Variants in BBS9 observed in about 807,000 individuals in gnomAD.
The protein encoded by BBS9 is protein PTHB1.
Under a neutral mutation model 117.7 loss-of-function variants are expected in BBS9, and 89 were observed. That is an observed-to-expected ratio of 0.76 (90% CI 0.64 to 0.90). The LOEUF is 0.90. Among genes scored for constraint, BBS9 ranks in the 40% least tolerant of loss-of-function variants. The pLI is 0.00. For missense variants in BBS9, 982 were observed against 1,042.2 expected (o/e 0.94, Z 0.80); for synonymous variants, 379 against 370.9 (o/e 1.02, Z -0.25).
chr7:33,432,154 G>A (rs1250354419), intron 19 of BBS9, among the ~76,000 whole-genome samples: 10 of 149,178 alleles, frequency 6.7e-5, no homozygotes, highest in Non-Finnish European at 1.5e-5. Flanking sequence ...GTGCGATCTC[G>A]TCTCACTGCA....
At chr7:33,276,563 G>A (rs1300696716) in intron 9 of BBS9, among the ~76,000 whole-genome samples, 2 of 152,100 alleles carry the variant, frequency 1.3e-5, no homozygotes, top group East Asian at 3.9e-4. Flanking sequence ...TTTACAGGGG[G>A]GAAGTTGGAA....
At chr7:33,339,572 C>T (rs903592848) in intron 10 of BBS9, among the ~76,000 whole-genome samples, 19 of 152,240 alleles carry the variant, frequency 1.2e-4, no homozygotes, top group Admixed American at 1.2e-3. Context: ...TTCAGTCAGC[C>T]ATCCTCAGAG....
At chr7:33,452,796 G>A (rs945960814) in intron 19 of BBS9, among the ~76,000 whole-genome samples, 5 of 152,086 alleles carry the variant, frequency 3.3e-5, no homozygotes, top group Admixed American at 3.3e-4. Flanking sequence ...AGAAGAAAGA[G>A]AACAAAAACT....
At chr7:33,490,772 C>T (rs1247091578) in intron 19 of BBS9, among the ~76,000 whole-genome samples, 1 of 152,164 alleles carries the variant, frequency 6.6e-6, no homozygotes, top group South Asian at 2.1e-4. Context: ...TTATTACTTT[C>T]CCAGAATGCA....
At chr7:33,231,768 A>G (rs945881464) in intron 5 of BBS9, among the ~76,000 whole-genome samples, 2 of 152,098 alleles carry the variant, frequency 1.3e-5, no homozygotes, top group Non-Finnish European at 2.9e-5. Context: ...TCAGGGTTTG[A>G]TTTATAATTG....
At chr7:33,130,615 T>A (rs1474280493) in intron 1 of BBS9, among the ~76,000 whole-genome samples, 1 of 152,336 alleles carries the variant, frequency 6.6e-6, no homozygotes, top group African/African-American at 2.4e-5. Context: ...ACTTGAAAGA[T>A]GCTGCAGGAT....
chr7:33,619,306 T>C (rs1473863456), intron 21 of BBS9, among the ~76,000 whole-genome samples: 1 of 152,162 alleles, frequency 6.6e-6, no homozygotes. Context: ...CAAGAAGGTA[T>C]AACGATTGTA....
At chr7:33,564,661 G>A (rs1856588647) in intron 21 of BBS9, among the ~76,000 whole-genome samples, 1 of 152,104 alleles carries the variant, frequency 6.6e-6, no homozygotes, top group Non-Finnish European at 1.5e-5. Flanking sequence ...ATAAATTCTT[G>A]GCTGTCACTT....
intron 19 of BBS9, among the ~76,000 whole-genome samples, chr7:33,467,831 G>A (rs11307125): frequency 9.3e-6 from 1 of 107,280 alleles, no homozygotes; most frequent in African/African-American, 2.6e-5. Context: ...CTGGTGAGGA[G>A]AAAATGTGAC....
chr7:33,623,053 A>T (rs573139260), intron 21 of BBS9, among the ~76,000 whole-genome samples: 258 of 152,348 alleles, frequency 1.7e-3, no homozygotes, highest in African/African-American at 5.7e-3. Context: ...AAAAATACTG[A>T]TTGCCTTAAA....
chr7:33,559,242 G>A (rs1181806575), intron 21 of BBS9, among the ~76,000 whole-genome samples: 1 of 152,140 alleles, frequency 6.6e-6, no homozygotes, highest in African/African-American at 2.4e-5. Context: ...CAGCTGTTGG[G>A]TAAAGCACTA....
intron 20 of BBS9, among the ~76,000 whole-genome samples, chr7:33,508,748 T>G (rs991722022): frequency 6.6e-6 from 1 of 152,214 alleles, no homozygotes; most frequent in African/African-American, 2.4e-5. Context: ...AGCCCCTTTG[T>G]GACTGCAGAG....
intron 19 of BBS9, among the ~76,000 whole-genome samples, chr7:33,395,111 G>T (rs1174250815): frequency 6.6e-6 from 1 of 152,160 alleles, no homozygotes; most frequent in South Asian, 2.1e-4. Context: ...TTCATGCTAC[G>T]TATATGTATA....
chr7:33,367,721 T>G (rs752085448), intron 16 of BBS9, 46 bp from the exon 17 acceptor site: 2 of 1,545,262 alleles, frequency 1.3e-6, no homozygotes, highest in East Asian at 4.5e-5. Flanking sequence ...AATGTGTTCA[T>G]TTTGCCTTCT....
intron 21 of BBS9, among the ~76,000 whole-genome samples, chr7:33,556,064 T>C (rs561578803): frequency 1.3e-5 from 2 of 152,322 alleles, no homozygotes; most frequent in Admixed American, 6.5e-5. Context: ...CACAATGTTA[T>C]GAAGTAGTAC....
chr7:33,489,972 G>A (rs372861148), intron 19 of BBS9, among the ~76,000 whole-genome samples: 2 of 152,152 alleles, frequency 1.3e-5, no homozygotes, highest in South Asian at 2.1e-4. Context: ...TTATTTGTAA[G>A]ATAATAATCT....
At chr7:33,374,603 T>C (rs767864140) in intron 17 of BBS9, among the ~76,000 whole-genome samples, 6 of 152,106 alleles carry the variant, frequency 3.9e-5, no homozygotes, top group Non-Finnish European at 7.3e-5. Context: ...ATATTTAAAA[T>C]GTTAAACCTA....
chr7:33,384,754 A>G (rs1308779627), intron 18 of BBS9, among the ~76,000 whole-genome samples: 1 of 151,716 alleles, frequency 6.6e-6, no homozygotes, highest in African/African-American at 2.4e-5. Flanking sequence ...TACCAGTCAT[A>G]TAATTTTTCA....
intron 19 of BBS9, among the ~76,000 whole-genome samples, chr7:33,425,061 A>G (rs1833455218): frequency 6.6e-6 from 1 of 152,188 alleles, no homozygotes; most frequent in African/African-American, 2.4e-5. Context: ...AGTGAGGAGG[A>G]AAACCACTTA....
Sources: allele counts gnomAD v4.1 joint callset (sites outside exome capture counted in the v4.1 genomes callset), GRCh38; gene constraint gnomAD v4.1.1; transcripts MANE v1.5; gene names NCBI Gene and HGNC (gene_info 2026-07-23, HGNC 2026-07-21).